IGSF11: variants seen among roughly 807,000 people sequenced by gnomAD.
IGSF11 encodes the protein immunoglobulin superfamily member 11, also known as CXADR like 1.
Under a neutral mutation model 41.0 loss-of-function variants are expected in IGSF11, and 22 were observed. That is an observed-to-expected ratio of 0.54 (90% confidence interval 0.38 to 0.77). IGSF11 has a LOEUF of 0.77. Among genes scored for constraint, IGSF11 ranks in the 30% least tolerant of loss-of-function variants. The pLI is 0.00. For synonymous variants in IGSF11, 219 were observed against 201.3 expected, an observed-to-expected ratio of 1.09 and a Z score of -0.74; for missense variants, 444 against 530.8, an observed-to-expected ratio of 0.84 and a Z score of 1.61.
At chr3:119,063,512 G>T (rs919700292) in intron 1 of IGSF11, among the ~76,000 whole-genome samples, 1 of 151,558 alleles carries the variant, frequency 6.6e-6, no homozygotes, top group African/African-American at 2.4e-5. Flanking sequence ...GAACAGTGCA[G>T]GTACCTAGAA....
chr3:119,075,252 T>C (rs971774884), intron 1 of IGSF11, among the ~76,000 whole-genome samples: 5 of 152,024 alleles, frequency 3.3e-5, no homozygotes, highest in African/African-American at 1.2e-4. Flanking sequence ...TTCCTGGCAA[T>C]ATACAACTTC....
chr3:119,135,264 T>A (rs4630941), intron 1 of IGSF11, among the ~76,000 whole-genome samples: 2,764 of 152,078 alleles, frequency 0.018, 33 homozygotes, highest in Non-Finnish European at 0.028. Context: ...CTACCATCAG[T>A]GTGAACAGGC....
intron 1 of IGSF11, among the ~76,000 whole-genome samples, chr3:119,088,225 T>C (rs540210400): frequency 3.6e-5 from 5 of 140,256 alleles, no homozygotes; most frequent in Admixed American, 1.4e-4. Flanking sequence ...AGGAACACTC[T>C]GTGGACCACG....
intron 1 of IGSF11, among the ~76,000 whole-genome samples, chr3:119,030,001 G>C (rs913441295): frequency 1.3e-5 from 2 of 152,106 alleles, no homozygotes; most frequent in African/African-American, 2.4e-5. Flanking sequence ...TGCTAACGTT[G>C]ACCTAATTCT....
intron 1 of IGSF11, among the ~76,000 whole-genome samples, chr3:118,962,798 G>A (rs930283585): frequency 3.3e-5 from 5 of 152,100 alleles, no homozygotes; most frequent in Admixed American, 6.5e-5. Flanking sequence ...ACTAGAGAAT[G>A]AGAATAAGAA....
intron 1 of IGSF11, among the ~76,000 whole-genome samples, chr3:118,995,878 G>C (rs892779407): frequency 1.1e-4 from 17 of 152,062 alleles, no homozygotes; most frequent in African/African-American, 4.1e-4. Context: ...GTCTCGATCT[G>C]ACCTCGTGAT....
chr3:118,972,046 A>T lies in IGSF11; in HGVS notation c.53-41771T>A, dbSNP rs527424237. 4.6e-5 allele frequency among the ~76,000 whole-genome samples: 7 copies of T among 152,328 alleles called. No individual in the cohort carries two copies. The South Asian group carries it at 1.4e-3, about 32-fold the overall frequency. ...CATTGAAGACAAATATTAGAACAAA[A>T]TGCATTTCTATCTTTAAGGAGAAAT... On this transcript the variant is annotated intron_variant, in intron 1 of 6. Transcript: ENST00000393775.
At chr3:119,125,129 A>G (rs943106775) in intron 1 of IGSF11, among the ~76,000 whole-genome samples, 1 of 152,266 alleles carries the variant, frequency 6.6e-6, no homozygotes, top group Non-Finnish European at 1.5e-5. Context: ...GGACTTCATC[A>G]ATACCAGACC....
chr3:119,071,744 T>C lies in IGSF11; in HGVS notation c.49+33400A>G, dbSNP rs1156961125. On this transcript the variant is annotated intron_variant, in intron 1 of 6. Coordinates refer to the IGSF11 transcript ENST00000354673. ...TTGATTCCTTTAGCTTTATAGTAAG[T>C]TTTGGAATCAGTAAGTGTGAGTCTT... 2.0e-5 allele frequency among the ~76,000 whole-genome samples: 3 copies of C among 152,188 alleles called. No homozygotes were observed. In the East Asian group the frequency reaches 5.8e-4, roughly 29 times the overall value.
chr3:118,946,457 AAG>A (rs887872407), intron 1 of IGSF11, among the ~76,000 whole-genome samples: 48 of 151,022 alleles, frequency 3.2e-4, no homozygotes, highest in African/African-American at 1.1e-3. Flanking sequence ...AAAAAAAAAA[AAG>A]AAGAAGAAGA....
chr3:118,946,872 G>A (rs1392100911), intron 1 of IGSF11, among the ~76,000 whole-genome samples: 1 of 152,230 alleles, frequency 6.6e-6, no homozygotes, highest in African/African-American at 2.4e-5. Context: ...AGCACTTTGG[G>A]AGGCCAAGGC....
chr3:119,044,091 G>A (rs1047948004), intron 1 of IGSF11, among the ~76,000 whole-genome samples: 2 of 152,114 alleles, frequency 1.3e-5, no homozygotes, highest in Non-Finnish European at 2.9e-5. Flanking sequence ...GAATTCAGAA[G>A]GTCGATTATT....
At chr3:118,913,116 A>C (rs541223630) in intron 4 of IGSF11, among the ~76,000 whole-genome samples, 44 of 151,876 alleles carry the variant, frequency 2.9e-4, no homozygotes, top group African/African-American at 8.0e-4. Flanking sequence ...AAAACAAAAA[A>C]AAAACCAGAA....
At chr3:119,007,680 A>C (rs78491414) in intron 1 of IGSF11, among the ~76,000 whole-genome samples, 11,309 of 152,188 alleles carry the variant, frequency 0.074, 499 homozygotes, top group East Asian at 0.13. Flanking sequence ...TCCTTGCTTT[A>C]ACCCATCTCC....
chr3:118,984,172 CAA>C (rs11329040), intron 1 of IGSF11, among the ~76,000 whole-genome samples: 3 of 134,188 alleles, frequency 2.2e-5, no homozygotes, highest in Admixed American at 7.6e-5. Context: ...TTCTGAAATT[CAA>C]AAAAAAAAAA....
At chr3:118,961,966 A>C (rs1389934223) in intron 1 of IGSF11, among the ~76,000 whole-genome samples, 1 of 152,206 alleles carries the variant, frequency 6.6e-6, no homozygotes, top group African/African-American at 2.4e-5. Context: ...TGCCCCATGA[A>C]AGTTATTTCA....
chr3:119,084,909 G>C (rs763069917), intron 1 of IGSF11, among the ~76,000 whole-genome samples: 3 of 152,204 alleles, frequency 2.0e-5, no homozygotes, highest in Non-Finnish European at 4.4e-5. Context: ...GAGCTGGGGA[G>C]GAGCCCACAT....
At chr3:118,907,725 A>C (rs1320941016) in intron 4 of IGSF11, among the ~76,000 whole-genome samples, 1 of 152,210 alleles carries the variant, frequency 6.6e-6, no homozygotes, top group Admixed American at 6.5e-5. Flanking sequence ...TAACTCAAAA[A>C]AGCTATGAAA....
chr3:118,913,226 AG>A (rs1940577338), intron 4 of IGSF11, among the ~76,000 whole-genome samples: 2 of 152,306 alleles, frequency 1.3e-5, no homozygotes, highest in African/African-American at 4.8e-5. Flanking sequence ...AAGAGCTAAC[AG>A]GAAACAATAA....
Sources: allele counts gnomAD v4.1 joint callset (sites outside exome capture counted in the v4.1 genomes callset), GRCh38; gene constraint gnomAD v4.1.1; transcripts MANE v1.5; gene names NCBI Gene and HGNC (gene_info 2026-07-23, HGNC 2026-07-21).